The following CSMD1 variants were observed in gnomAD, a reference collection of about 807,000 sequenced individuals.
CSMD1 encodes CUB and Sushi multiple domains 1.
Under a neutral mutation model 417.5 loss-of-function variants are expected in CSMD1, and 213 were observed. The observed-to-expected ratio is 0.51, with a 90% confidence interval of 0.46 to 0.57. The LOEUF is 0.57. Ranked by LOEUF, CSMD1 falls within the 20% of genes least tolerant of loss-of-function variation. The pLI is 0.00. For synonymous variants in CSMD1, 2,862 were observed against 1,736.8 expected, an observed-to-expected ratio of 1.65 and a Z score of -16.11; for missense variants, 6,923 against 4,529.7, an observed-to-expected ratio of 1.53 and a Z score of -15.17.
chr8:3,055,896 A>G (rs1006336462), intron 49 of CSMD1, among the ~76,000 whole-genome samples: 7 of 152,212 alleles, frequency 4.6e-5, no homozygotes, highest in Non-Finnish European at 8.8e-5. Context: ...TCTTACGCTC[A>G]GGTTATTAAG....
At chr8:4,837,421 T>A (rs941453007) in intron 1 of CSMD1, among the ~76,000 whole-genome samples, 2 of 152,146 alleles carry the variant, frequency 1.3e-5, no homozygotes. Context: ...ATAAAAAGAA[T>A]GAGATTCTAT....
intron 9 of CSMD1, among the ~76,000 whole-genome samples, chr8:3,575,772 T>G (rs990420678): frequency 2.0e-5 from 3 of 151,574 alleles, no homozygotes; most frequent in African/African-American, 7.3e-5. Flanking sequence ...GCATAGAAAT[T>G]GCATAATTCT....
intron 41 of CSMD1, among the ~76,000 whole-genome samples, chr8:3,124,568 G>C (rs1407301509): frequency 6.6e-6 from 1 of 152,162 alleles, no homozygotes; most frequent in Non-Finnish European, 1.5e-5. Flanking sequence ...TCTGGGATAA[G>C]GGGAGAGTTT....
intron 3 of CSMD1, among the ~76,000 whole-genome samples, chr8:4,125,461 A>G (rs1029970558): frequency 1.3e-5 from 2 of 152,144 alleles, no homozygotes; most frequent in Non-Finnish European, 2.9e-5. Context: ...TCTCCCTAAA[A>G]TGAATAAAAC....
chr8:3,243,310 A>T (rs942221482), intron 26 of CSMD1, among the ~76,000 whole-genome samples: 21 of 152,188 alleles, frequency 1.4e-4, no homozygotes, highest in Non-Finnish European at 2.9e-4. Context: ...TCCGAGTCAC[A>T]GCACCACATT....
intron 36 of CSMD1, among the ~76,000 whole-genome samples, chr8:3,182,009 T>C (rs889174767): frequency 6.6e-6 from 1 of 152,150 alleles, no homozygotes; most frequent in Non-Finnish European, 1.5e-5. Flanking sequence ...AATACTCTAG[T>C]AAAAACATTC....
At chr8:3,198,844 T>G (rs1270241889) in intron 33 of CSMD1, among the ~76,000 whole-genome samples, 1 of 152,202 alleles carries the variant, frequency 6.6e-6, no homozygotes, top group Non-Finnish European at 1.5e-5. Flanking sequence ...AAAATTTTTC[T>G]CCAGATCTGA....
intron 3 of CSMD1, among the ~76,000 whole-genome samples, chr8:4,396,500 C>A (rs910352618): frequency 5.3e-5 from 8 of 151,924 alleles, no homozygotes; most frequent in African/African-American, 1.7e-4. Flanking sequence ...CTGGATTTAT[C>A]GATTGCCAAA....
chr8:4,613,927 T>C (rs971102323), intron 2 of CSMD1, among the ~76,000 whole-genome samples: 10 of 151,196 alleles, frequency 6.6e-5, no homozygotes, highest in African/African-American at 2.2e-4. Context: ...TTAGTAGAGA[T>C]AGAGAAGTTT....
At chr8:3,623,127 A>T (rs900033097) in intron 7 of CSMD1, among the ~76,000 whole-genome samples, 3 of 152,240 alleles carry the variant, frequency 2.0e-5, no homozygotes, top group Non-Finnish European at 4.4e-5. Flanking sequence ...GTGGATGATC[A>T]GATATAAATT....
At chr8:4,046,723 T>C (rs1436801339) in intron 3 of CSMD1, among the ~76,000 whole-genome samples, 1 of 152,200 alleles carries the variant, frequency 6.6e-6, no homozygotes, top group African/African-American at 2.4e-5. Context: ...AATGACCTAA[T>C]GATTTAAACT....
intron 3 of CSMD1, among the ~76,000 whole-genome samples, chr8:4,251,016 G>A (rs1167130722): frequency 3.3e-5 from 5 of 152,152 alleles, no homozygotes; most frequent in Admixed American, 3.3e-4. Context: ...TTAATGACAA[G>A]CATATTTTTA....
chr8:4,344,820 C>T (rs1800689358), intron 3 of CSMD1, among the ~76,000 whole-genome samples: 1 of 152,044 alleles, frequency 6.6e-6, no homozygotes, highest in African/African-American at 2.4e-5. Context: ...TATATAGCAG[C>T]TGATCTTTAA....
chr8:4,119,797 G>T (rs79353449), intron 3 of CSMD1, among the ~76,000 whole-genome samples: 10,762 of 152,212 alleles, frequency 0.071, 434 homozygotes, highest in African/African-American at 0.092. Flanking sequence ...GTAACAAAAC[G>T]TTCTACGATG....
In CSMD1 at chr8:4,797,066, T is replaced by C. The variant is rs1249222280; in HGVS notation, c.86-159508A>G. Among the ~76,000 whole-genome samples the C allele has an allele frequency of 3.3e-5, 5 of 152,256 alleles. No individual in the cohort carries two copies. In the South Asian group the frequency reaches 1.0e-3, roughly 32 times the overall value. ...CTTAAGAGAGAAGCAACAGATTCTG[T>C]CCATGTGTTCTGGAATGCAGTGAGA... On this transcript the variant is annotated intron_variant, in intron 1 of 69. Transcript: ENST00000635120.
chr8:4,978,318 A>G (rs1380884955), intron 1 of CSMD1, among the ~76,000 whole-genome samples: 1 of 152,144 alleles, frequency 6.6e-6, no homozygotes. Flanking sequence ...AATTTGAGTC[A>G]GGACACTCTA....
chr8:3,941,618 G>C (rs766825416), intron 5 of CSMD1, among the ~76,000 whole-genome samples: 4 of 152,206 alleles, frequency 2.6e-5, no homozygotes, highest in South Asian at 4.1e-4. Context: ...AATTCATGAA[G>C]ATAAGACTTA....
At chr8:3,733,537 A>C (rs1796375378) in intron 6 of CSMD1, among the ~76,000 whole-genome samples, 1 of 152,076 alleles carries the variant, frequency 6.6e-6, no homozygotes, top group South Asian at 2.1e-4. Flanking sequence ...AAATTTCAGA[A>C]AAAAACAACT....
chr8:4,567,623 T>C (rs376539620), intron 2 of CSMD1, among the ~76,000 whole-genome samples: 1 of 152,200 alleles, frequency 6.6e-6, no homozygotes, highest in African/African-American at 2.4e-5. Context: ...GCAATTATTA[T>C]GAGATGATGC....
Sources: allele counts gnomAD v4.1 joint callset (sites outside exome capture counted in the v4.1 genomes callset), GRCh38; gene constraint gnomAD v4.1.1; transcripts MANE v1.5; gene names NCBI Gene and HGNC (gene_info 2026-07-23, HGNC 2026-07-21).